HAUS5: variants seen among roughly 807,000 people sequenced by gnomAD.
HAUS5 encodes the protein HAUS augmin like complex subunit 5.
Under a neutral mutation model 94.1 loss-of-function variants are expected in HAUS5, and 67 were observed. That is an observed-to-expected ratio of 0.71 (90% CI 0.58 to 0.87). The LOEUF (loss-of-function observed/expected upper bound fraction) is 0.87. Among genes scored for constraint, HAUS5 ranks in the 40% least tolerant of loss-of-function variants. The probability of loss-of-function intolerance (pLI) is 0.00; values close to 1 mark genes in which losing one functional copy is unlikely to be tolerated. For synonymous variants in HAUS5, 339 were observed against 355.4 expected, an observed-to-expected ratio of 0.95 and a Z score of 0.52; for missense variants, 739 against 825.6, an observed-to-expected ratio of 0.90 and a Z score of 1.29.
chr19:35,621,851 G>C (rs368202756), intron 17 of HAUS5, among the ~76,000 whole-genome samples: 1 of 152,204 alleles, frequency 6.6e-6, no homozygotes, highest in African/African-American at 2.4e-5. Context: ...ACAGGGCAGG[G>C]ATGGGATGGG....
intron 6 of HAUS5, among the ~76,000 whole-genome samples, chr19:35,615,920 G>C (rs928372259): frequency 5.9e-5 from 9 of 152,220 alleles, no homozygotes; most frequent in Non-Finnish European, 1.0e-4. Flanking sequence ...GCAAGACCGA[G>C]AACCTGAGGA....
At chr19:35,619,193 A>G (rs939755512) in intron 13 of HAUS5, 144 bp downstream of exon 13, 14 of 879,260 alleles carry the variant, frequency 1.6e-5, no homozygotes, top group Non-Finnish European at 2.4e-5. Context: ...ATCTGAGCCC[A>G]GGAGTTCAAG....
chr19:35,618,442 C>G lies in HAUS5; in HGVS notation c.862C>G (p.Pro288Ala). 1 of 1,613,886 alleles carries G rather than the reference C, an allele frequency of 6.2e-7. No individual in the cohort carries two copies. Among genetic ancestry groups the G allele is most frequent in the Non-Finnish European group, 8.5e-7 (1 of 1,179,806 alleles). Residue 288 changes from proline (P) to alanine (A), a missense_variant, in exon 11 of 19, where the codon CCG becomes GCG. By Grantham distance (27) the Pro-to-Ala change is conservative (BLOSUM62 -1). Transcript: ENST00000203166. ...CCAGTCAGACTCCAGCCAGACCCTG[C>G]CGTCCATGGTTCATCTCATCCAGGT... Reference protein sequence around the residue: ...PDQSDSSQTLPSMVHLIQEGW... With the variant: ...PDQSDSSQTLASMVHLIQEGW...
rs1365823450 is a variant in HAUS5, at chr19:35,617,320, C to T, written c.589C>T (p.Gln197Ter). ...CCGAACAGCCTGCACCCTCCGGGCC[C>T]AGTTCCTGCAGAACCTCCTGCTTCC... Reference protein sequence around the residue: ...DVRTACTLRAQFLQNLLLPQA... With the variant: ...DVRTACTLRA Residue 197 changes from glutamine (Q) to a stop codon, truncating the protein, a stop_gained, in exon 8 of 19, where the codon CAG becomes TAG. Coordinates refer to ENST00000203166, the MANE Select transcript of HAUS5 (RefSeq NM_015302.2). LOFTEE classifies it high-confidence loss of function. The T allele has an allele frequency of 1.9e-6, 3 of 1,614,070 alleles. No homozygotes were observed. The highest frequency in any genetic ancestry group is 2.2e-5 in the South Asian group (2 of 91,078).
chr19:35,625,106 TCAC>T lies in HAUS5; in HGVS notation c.*2114_*2116del, dbSNP rs1967285795. 6.6e-6 allele frequency: 1 copy of T among 152,234 alleles called. No homozygotes were observed. Among genetic ancestry groups the T allele is most frequent in the African/African-American group, 2.4e-5 (1 of 41,460 alleles). 9.4% of individuals were successfully genotyped at this position (152,234 alleles called of 1,614,324 possible). ...CAAAATCTTCAACTTCATACAGTAG[TCAC>T]ATTGTTAGTAATAACACTGGCATTT... On this transcript the variant is annotated 3_prime_UTR_variant, in exon 19 of 19. Transcript: ENST00000203166.
intron 17 of HAUS5, among the ~76,000 whole-genome samples, chr19:35,621,212 T>A (rs114717511): frequency 0.013 from 2,051 of 152,338 alleles, 52 homozygotes; most frequent in African/African-American, 0.048. Flanking sequence ...TGGGGCTCCC[T>A]GCCCTCCACT....
rs1286396092 is a variant in HAUS5 at position 35,624,147 on chromosome 19, C to T, written c.*1154C>T. 2.2e-5 allele frequency: 3 copies of T among 138,540 alleles called. No homozygotes were observed. The highest frequency in any genetic ancestry group is 4.5e-5 in the Non-Finnish European group (3 of 65,982). The allele number at this position is 138,540 out of a possible 1,614,324, so 8.6% of individuals were successfully genotyped here. A position where few individuals can be genotyped will look rare whatever the true frequency, so the allele number is the denominator to read the frequency against. ...TGAGATGCAGTCTCATTCTGTTGCC[C>T]AAGTTGGAGTGCAGTGGCATGATCT... On this transcript the variant is annotated 3_prime_UTR_variant, in exon 19 of 19. Coordinates refer to ENST00000203166, the MANE Select transcript of HAUS5 (RefSeq NM_015302.2).
chr19:35,623,301 T>C lies in HAUS5; in HGVS notation c.*308T>C. ...ACAGAAAACCCTGTCTTCCAGCAGT[T>C]GAGTTCTAGGGCAGGGAGACAGAGT... On this transcript the variant is annotated 3_prime_UTR_variant, in exon 19 of 19. Transcript: ENST00000203166. 1 of 308,168 alleles carries C rather than the reference T, an allele frequency of 3.2e-6. No individual in the cohort carries two copies. Among genetic ancestry groups the C allele is most frequent in the Non-Finnish European group, 6.0e-6 (1 of 165,544 alleles). The allele number at this position is 308,168 out of a possible 1,614,324, so 19.1% of individuals were successfully genotyped here.
intron 14 of HAUS5, 24 bp from the exon 15 acceptor site, chr19:35,619,586 CCCA>C: frequency 1.5e-6 from 2 of 1,361,560 alleles, no homozygotes; most frequent in Non-Finnish European, 2.1e-6. Flanking sequence ...GTTGTGATGC[CCCA>C]CCCACCCCTC....
At chr19:35,619,290 C>T in intron 13 of HAUS5, 134 bp from the exon 14 acceptor site, 1 of 766,170 alleles carries the variant, frequency 1.3e-6, no homozygotes, top group African/African-American at 1.8e-5. Flanking sequence ...AATGCTGTCA[C>T]TTAAAAATTA....
rs150495045 is a variant in HAUS5, at chr19:35,622,590, C to G, written c.1652-11C>G. ...GGACTCAAAGCTGCCTCCTGGCTTT[C>G]TCACCCTCAGAGCTGCTGCAGATCC... On this transcript the variant is annotated splice_polypyrimidine_tract_variant and intron_variant, in intron 17 of 18. Transcript: ENST00000203166. 1.9e-5 allele frequency: 31 copies of G among 1,612,242 alleles called. No individual in the cohort carries two copies. In the African/African-American group the frequency reaches 4.0e-4, roughly 21 times the overall value.
intron 3 of HAUS5, 40 bp downstream of exon 3, chr19:35,613,940 C>T: frequency 6.2e-7 from 1 of 1,611,250 alleles, no homozygotes; most frequent in Non-Finnish European, 8.5e-7. Flanking sequence ...GTCTTCCCCA[C>T]TCCCATTTAG....
rs750140016 is a variant in HAUS5 at position 35,612,941 on chromosome 19, T to A, written c.98+49T>A. On this transcript the variant is annotated intron_variant, in intron 1 of 18. Coordinates refer to ENST00000203166, the MANE Select transcript of HAUS5 (RefSeq NM_015302.2). ...GACACCCCACCCTGGAGATTGAGTCTCCGGGAGTGAGAACTCCACCCCTCA... is the reference window on the plus strand; with the variant it reads ...GACACCCCACCCTGGAGATTGAGTCACCGGGAGTGAGAACTCCACCCCTCA... 3.5e-4 allele frequency: 452 copies of A among 1,290,996 alleles called. 1 individual carries two copies. Among genetic ancestry groups the A allele is most frequent in the Non-Finnish European group, 4.5e-4 (426 of 952,370 alleles). 80.0% of individuals were successfully genotyped at this position (1,290,996 alleles called of 1,614,324 possible).
intron 4 of HAUS5, chr19:35,614,285 T>C (rs1341193800): frequency 1.7e-6 from 1 of 592,912 alleles, no homozygotes; most frequent in African/African-American, 1.9e-5. Flanking sequence ...ACCTGAGGCC[T>C]CATCTCAGGT....
intron 17 of HAUS5, 115 bp downstream of exon 17, chr19:35,620,442 G>C (rs958543261): frequency 2.6e-5 from 23 of 890,344 alleles, no homozygotes; most frequent in Non-Finnish European, 3.6e-5. Context: ...TGTGCTAAGG[G>C]CTTTAAACAT....
In HAUS5 at chr19:35,618,659, G is replaced by C; in HGVS notation, c.976G>C (p.Val326Leu). 1 of 1,605,438 alleles carries C rather than the reference G, an allele frequency of 6.2e-7. No homozygotes were observed. The highest frequency in any genetic ancestry group is 8.5e-7 in the Non-Finnish European group (1 of 1,173,522). ...CTTGACCCAGCGCCTCCAGGGCCTG[G>C]TGGAGGAGGTGGAGAGACGCGTCCT... ...QVLTQRLQGL[V>L]EEVERRVLGS... Residue 326 changes from valine to leucine, a missense_variant, in exon 12 of 19, where the codon GTG becomes CTG. By Grantham distance (32) the Val-to-Leu change is conservative. Coordinates refer to ENST00000203166, the MANE Select transcript of HAUS5 (RefSeq NM_015302.2).
chr19:35,619,709 C>A lies in HAUS5; in HGVS notation c.1357C>A (p.His453Asn). The part of the protein sequence containing the change: ...LLRCLEEEVR[H>N]LPHILLGTLL... ...GCGCTGTCTGGAGGAGGAAGTCCGG[C>A]ATTTGCCCCACATTCTGTTGGGCAC... Residue 453 changes from histidine (H) to asparagine (N), a missense_variant, in exon 15 of 19, where the codon CAT becomes AAT. Physicochemically the swap from His to Asn is moderately conservative, Grantham distance 68 (BLOSUM62 1). Transcript: ENST00000203166. 6.4e-7 allele frequency: 1 copy of A among 1,570,930 alleles called. No individual in the cohort carries two copies.
intron 4 of HAUS5, among the ~76,000 whole-genome samples, chr19:35,614,659 G>C (rs2071925585): frequency 6.6e-6 from 1 of 152,148 alleles, no homozygotes; most frequent in African/African-American, 2.4e-5. Flanking sequence ...TGGCATCAAA[G>C]CTGGTGAGAA....
At chr19:35,614,963 T>C in intron 4 of HAUS5, 79 bp from the exon 5 acceptor site, 1 of 1,030,342 alleles carries the variant, frequency 9.7e-7, no homozygotes, top group Non-Finnish European at 1.4e-6. Context: ...TGCCACCAGT[T>C]GAGGAGCCTG....
Sources: gnomAD v4.1 joint callset for allele counts (sites outside exome capture counted in the v4.1 genomes callset) on GRCh38, gnomAD v4.1.1 for gene constraint, MANE v1.5 for transcripts, NCBI Gene and HGNC (gene_info 2026-07-23, HGNC 2026-07-21) for gene names.